The following BDH1 variants were observed in gnomAD, a reference collection of about 807,000 sequenced individuals.
The protein encoded by BDH1 is 3-hydroxybutyrate dehydrogenase 1.
BDH1 carries 30 observed loss-of-function variants against 33.1 expected under a neutral mutation model. The observed-to-expected ratio is 0.91, with a 90% CI of 0.68 to 1.23. The LOEUF is 1.23. Among genes scored for constraint, BDH1 ranks in the 50% most tolerant of loss-of-function variants. The pLI, the probability that BDH1 is intolerant of heterozygous loss-of-function variation, is 0.00. For synonymous variants in BDH1, 190 were observed against 183.6 expected (o/e 1.03, Z -0.28); for missense variants, 443 against 464.4 (o/e 0.95, Z 0.42).
intron 2 of BDH1, among the ~76,000 whole-genome samples, chr3:197,548,589 G>A (rs980321235): frequency 2.0e-5 from 3 of 151,950 alleles, no homozygotes; most frequent in Non-Finnish European, 2.9e-5. Flanking sequence ...GGTGGCTCAC[G>A]CCTGTAATCC....
chr3:197,568,641 T>A (rs1458921461), intron 1 of BDH1, among the ~76,000 whole-genome samples: 1 of 152,160 alleles, frequency 6.6e-6, no homozygotes, highest in Non-Finnish European at 1.5e-5. Context: ...TATTCATTAA[T>A]TGAGTGTTTG....
At chr3:197,543,286 T>G in intron 3 of BDH1, 1 of 596,498 alleles carries the variant, frequency 1.7e-6, no homozygotes, top group Non-Finnish European at 2.1e-6. Context: ...ATCCCGCATG[T>G]GATGTGGCAG....
chr3:197,513,941 G>A (rs1178538353), intron 7 of BDH1, among the ~76,000 whole-genome samples: 1 of 152,174 alleles, frequency 6.6e-6, no homozygotes, highest in Non-Finnish European at 1.5e-5. Context: ...ACACCTGACT[G>A]ATACAAAGAT....
chr3:197,551,090 T>A lies in BDH1; in HGVS notation c.-44+3472A>T, dbSNP rs1402249913. On this transcript the variant is annotated intron_variant, in intron 2 of 7. Transcript: ENST00000392379. ...CAATCCAATTATACTCTTTTAGTTATTTTTATATGTGCAATTAAATGATCA... is the reference window on the plus strand; with the variant it reads ...CAATCCAATTATACTCTTTTAGTTAATTTTATATGTGCAATTAAATGATCA... Among the ~76,000 whole-genome samples, 4 of 152,340 alleles carry A rather than the reference T, an allele frequency of 2.6e-5. No homozygotes were observed. In the East Asian group the frequency reaches 7.7e-4, roughly 29 times the overall value.
Position 197,530,626 on chromosome 3 carries a change from A to G in BDH1, c.267+1786T>C, listed in dbSNP as rs1188804935. On this transcript the variant is annotated intron_variant, in intron 5 of 7. Transcript: ENST00000392379. ...AACCCCCCAATAATAACAAAAATAC[A>G]AAGTTATTCATTGTGGCATTATTTG... The G allele has an allele frequency of 3.3e-5, 5 of 152,728 alleles. No individual in the cohort carries two copies. The East Asian group carries it at 9.6e-4, about 29-fold the overall frequency. 9.5% of individuals were successfully genotyped at this position (152,728 alleles called of 1,614,324 possible). A position where few individuals can be genotyped will look rare whatever the true frequency, so the allele number is the denominator to read the frequency against.
chr3:197,511,943 G>A lies in BDH1; in HGVS notation c.984C>T (p.Ile328=). ...AGATGGCTCCAGGCAAGTGGGTCAT[G>A]ATCTGCATTCGCAGCCACCAGTAGT... ...MDYYWWLRMQ[I]MTHLPGAISD... Residue 328 remains isoleucine (I), a synonymous_variant, in exon 8 of 8, where the codon ATC becomes ATT. Coordinates refer to ENST00000392379, the MANE Select transcript of BDH1 (RefSeq NM_203314.3). 1 of 1,590,172 alleles carries A rather than the reference G, an allele frequency of 6.3e-7. No individual in the cohort carries two copies. The highest frequency in any genetic ancestry group is 8.6e-7 in the Non-Finnish European group (1 of 1,166,066).
chr3:197,568,901 A>G (rs915836441), intron 1 of BDH1, among the ~76,000 whole-genome samples: 1 of 152,236 alleles, frequency 6.6e-6, no homozygotes. Context: ...TCATAAATCA[A>G]TGCAGGCTCC....
chr3:197,545,231 C>T (rs1038792564), intron 3 of BDH1, among the ~76,000 whole-genome samples: 1 of 152,190 alleles, frequency 6.6e-6, no homozygotes, highest in Admixed American at 6.5e-5. Flanking sequence ...GCAGAGCCCA[C>T]TGAATCCCCT....
In BDH1 at chr3:197,522,894, A is replaced by C. The variant is rs1407596678; in HGVS notation, c.268-113T>G. 1.5e-6 allele frequency: 2 copies of C among 1,354,468 alleles called. No individual in the cohort carries two copies. The highest frequency in any genetic ancestry group is 4.7e-5 in the Admixed American group (2 of 42,998). 83.9% of individuals were successfully genotyped at this position (1,354,468 alleles called of 1,614,324 possible). On this transcript the variant is annotated intron_variant, in intron 5 of 7. Transcript: ENST00000392379. The surrounding 1 kb of genome is among the most constrained non-coding windows in gnomAD (Gnocchi z 4.8). The stretch of plus-strand genomic sequence containing the variant: ...TCAAGTCCCAGCCAAAGCCTCAGGC[A>C]TACTGGCAACTGCCCATGGGCCTGG...
chr3:197,552,219 T>A (rs139917398), intron 2 of BDH1, among the ~76,000 whole-genome samples: 102 of 152,288 alleles, frequency 6.7e-4, no homozygotes, highest in African/African-American at 2.4e-3. Context: ...GGCCCAGTGC[T>A]CGGCAAGTCC....
At chr3:197,561,697 G>A (rs1296574215) in intron 1 of BDH1, among the ~76,000 whole-genome samples, 1 of 151,902 alleles carries the variant, frequency 6.6e-6, no homozygotes, top group Non-Finnish European at 1.5e-5. Flanking sequence ...TCCAGACTTG[G>A]TCCAATCTGA....
chr3:197,531,441 A>G lies in BDH1; in HGVS notation c.267+971T>C, dbSNP rs529379563. 6.0e-3 allele frequency among the ~76,000 whole-genome samples: 832 copies of G among 138,940 alleles called. 5 individuals carry two copies. The highest frequency in any genetic ancestry group is 9.3e-3 in the Non-Finnish European group (580 of 62,576). 91.2% of individuals were successfully genotyped at this position (138,940 alleles called of 152,430 possible). On this transcript the variant is annotated intron_variant, in intron 5 of 7. Transcript: ENST00000392379. ...AAAATATATATATATATATATGTGT[A>G]TATATATATATACATATATGTATAT...
At chr3:197,568,173 T>G (rs1297356469) in intron 1 of BDH1, among the ~76,000 whole-genome samples, 1 of 152,238 alleles carries the variant, frequency 6.6e-6, no homozygotes, top group Non-Finnish European at 1.5e-5. Context: ...AGAGCCAGCG[T>G]GCAGCCTGCT....
At chr3:197,538,252 T>C in intron 3 of BDH1, 1 of 456,188 alleles carries the variant, frequency 2.2e-6, no homozygotes, top group South Asian at 1.6e-5. Context: ...ATGAAGGAGG[T>C]AGGGGTGAAT....
Position 197,512,260 on chromosome 3 carries a change from G to A in BDH1, c.667C>T (p.Arg223Cys), listed in dbSNP as rs773113109. Residue 223 changes from arginine (R) to cysteine (C), a missense_variant, in exon 8 of 8, where the codon CGC becomes TGC. Arg to Cys is a radical substitution (Grantham distance 180). Transcript: ENST00000392379. ...ACGCCCAGGGGGTACATCTCATAGC[G>A]CAGGCAGTCCGAGAAAGCCTCTACC... Reference protein sequence around the residue: ...FGVEAFSDCLRYEMYPLGVKV... With the variant: ...FGVEAFSDCLCYEMYPLGVKV... 1.9e-6 allele frequency: 3 copies of A among 1,613,202 alleles called. No individual in the cohort carries two copies. The highest frequency in any genetic ancestry group is 1.7e-6 in the Non-Finnish European group (2 of 1,180,030).
chr3:197,511,913 G>C lies in BDH1; in HGVS notation c.1014C>G (p.Asp338Glu). ...IMTHLPGAISDMIYIR is the reference protein window; with the variant it reads ...IMTHLPGAISEMIYIR ...AGACTCTTCAGCGGATGTAGATCAT[G>C]TCGGAGATGGCTCCAGGCAAGTGGG... Residue 338 changes from aspartate (D) to glutamate (E), a missense_variant, in exon 8 of 8, where the codon GAC becomes GAG. Asp to Glu is a conservative substitution (Grantham distance 45). Transcript: ENST00000392379. 6.4e-7 allele frequency: 1 copy of C among 1,565,898 alleles called. No individual in the cohort carries two copies. The highest frequency in any genetic ancestry group is 8.7e-7 in the Non-Finnish European group (1 of 1,152,856).
intron 1 of BDH1, among the ~76,000 whole-genome samples, chr3:197,562,796 G>A (rs1262418505): frequency 6.6e-6 from 1 of 152,044 alleles, no homozygotes; most frequent in East Asian, 1.9e-4. Flanking sequence ...TGAGAATGAG[G>A]AGAAAACAAG....
At chr3:197,545,645 G>C (rs962825851) in intron 3 of BDH1, among the ~76,000 whole-genome samples, 1 of 152,214 alleles carries the variant, frequency 6.6e-6, no homozygotes, top group African/African-American at 2.4e-5. Context: ...GCAGCCACTT[G>C]GCAACACTGG....
chr3:197,512,433 A>T (rs746587221), intron 7 of BDH1, 69 bp from the exon 8 acceptor site: 6 of 1,496,142 alleles, frequency 4.0e-6, no homozygotes, highest in Non-Finnish European at 5.4e-6. Context: ...GAAGTCTGGC[A>T]TGTCTCTAGA....
Sources: allele counts gnomAD v4.1 joint callset (sites outside exome capture counted in the v4.1 genomes callset), GRCh38; gene constraint gnomAD v4.1.1; non-coding constraint Gnocchi (gnomAD v3.1); transcripts MANE v1.5; gene names NCBI Gene and HGNC (gene_info 2026-07-23, HGNC 2026-07-21).